The following PAWR variants were observed in gnomAD, a reference collection of about 807,000 sequenced individuals.
The protein encoded by PAWR is PRKC apoptosis WT1 regulator protein.
A neutral mutation model predicts 32.0 loss-of-function variants in PAWR; 23 were observed. The observed-to-expected ratio is 0.72, with a 90% confidence interval of 0.52 to 1.02. The LOEUF is 1.02. PAWR is among the 50% of genes least tolerant of loss of function. PAWR has a pLI of 0.00. For synonymous variants in PAWR, 226 were observed against 187.1 expected (o/e 1.21, Z -1.70); for missense variants, 457 against 437.7 (o/e 1.04, Z -0.39).
chr12:79,640,780 T>A (rs530579468), intron 2 of PAWR, among the ~76,000 whole-genome samples: 1 of 152,094 alleles, frequency 6.6e-6, no homozygotes, highest in South Asian at 2.1e-4. Flanking sequence ...AATACACATA[T>A]CCCTGGCATG....
chr12:79,605,591 A>C (rs1233169669), intron 4 of PAWR, among the ~76,000 whole-genome samples: 1 of 152,136 alleles, frequency 6.6e-6, no homozygotes, highest in Non-Finnish European at 1.5e-5. Context: ...TAGGGGTCAC[A>C]CAAAAACTTG....
intron 2 of PAWR, among the ~76,000 whole-genome samples, chr12:79,659,954 C>T (rs1051546676): frequency 6.6e-6 from 1 of 152,108 alleles, no homozygotes; most frequent in African/African-American, 2.4e-5. Flanking sequence ...ATTTACTCTT[C>T]TTAAGTAACT....
chr12:79,689,659 C>T (rs2136904728), intron 2 of PAWR, 70 bp downstream of exon 2: 1 of 1,502,814 alleles, frequency 6.7e-7, no homozygotes, highest in Non-Finnish European at 8.9e-7. Flanking sequence ...CGGGTAGCTC[C>T]CAGGAGGAAG....
chr12:79,585,037 T>G lies in PAWR; in HGVS notation c.*7570A>C. ...TAGTCTCTTGGACTTGAGAATCCAT[T>G]TGAGTTTCAGAAAGAATACTAAATT... On this transcript the variant is annotated 3_prime_UTR_variant, in exon 7 of 7. Coordinates refer to ENST00000328827, the MANE Select transcript of PAWR (RefSeq NM_002583.4). The G allele has an allele frequency of 5.8e-6, 2 of 346,212 alleles. No individual in the cohort carries two copies. Among genetic ancestry groups the G allele is most frequent in the East Asian group, 1.8e-4 (2 of 11,340 alleles). 21.4% of individuals were successfully genotyped at this position (346,212 alleles called of 1,614,324 possible).
intron 3 of PAWR, 136 bp downstream of exon 3, chr12:79,620,940 C>G: frequency 1.5e-6 from 1 of 654,264 alleles, no homozygotes; most frequent in Non-Finnish European, 2.6e-6. Context: ...ATGTCAGAAC[C>G]CACTTATGGT....
chr12:79,647,722 T>C (rs1876643189), intron 2 of PAWR, among the ~76,000 whole-genome samples: 1 of 152,192 alleles, frequency 6.6e-6, no homozygotes, highest in Non-Finnish European at 1.5e-5. Context: ...AATTTACTTC[T>C]AGCACCAGTT....
intron 2 of PAWR, among the ~76,000 whole-genome samples, chr12:79,664,558 C>T (rs1056850225): frequency 1.3e-5 from 2 of 150,916 alleles, no homozygotes; most frequent in African/African-American, 4.9e-5. Context: ...TTTGGGGCCA[C>T]ACATTGTTTT....
intron 4 of PAWR, among the ~76,000 whole-genome samples, chr12:79,609,144 C>T (rs1874326381): frequency 6.6e-6 from 1 of 152,134 alleles, no homozygotes; most frequent in Non-Finnish European, 1.5e-5. Flanking sequence ...TCATCTGTGA[C>T]ACATTATAAA....
chr12:79,690,391 G>A lies in PAWR; in HGVS notation c.-147C>T, dbSNP rs1878954391. ...CGCCGCTCCCACAGCAGCCGGCGGG[G>A]CTGAGGTGAAAGACAAAAGGGGGCG... On this transcript the variant is annotated splice_region_variant and 5_prime_UTR_variant, in exon 2 of 7. Transcript: ENST00000328827. 7 of 1,342,384 alleles carry A rather than the reference G, an allele frequency of 5.2e-6. No individual in the cohort carries two copies. The highest frequency in any genetic ancestry group is 6.7e-6 in the Non-Finnish European group (7 of 1,050,618). The allele number at this position is 1,342,384 out of a possible 1,614,324, so 83.2% of individuals were successfully genotyped here.
intron 4 of PAWR, chr12:79,597,920 T>C (rs1408693222): frequency 2.6e-5 from 4 of 152,166 alleles, no homozygotes; most frequent in Non-Finnish European, 1.5e-5. Context: ...AAGATGTTGG[T>C]TGGGGCTTCA....
chr12:79,654,015 T>C (rs186951274), intron 2 of PAWR, among the ~76,000 whole-genome samples: 1 of 152,148 alleles, frequency 6.6e-6, no homozygotes, highest in African/African-American at 2.4e-5. Flanking sequence ...GTCTGAATGA[T>C]ATAAAATCTT....
rs998031267 is a variant in PAWR at position 79,603,759 on chromosome 12, C to T, written c.684-7101G>A. 6 of 147,690 alleles carry T rather than the reference C, an allele frequency of 4.1e-5. No individual in the cohort carries two copies. In the East Asian group the frequency reaches 1.0e-3, roughly 25 times the overall value. 9.1% of individuals were successfully genotyped at this position (147,690 alleles called of 1,614,324 possible). ...ATGCCACTATTTTGGCTCACTGCAA[C>T]CTCAGCCTGCAGTCAAGTGATTCTC... On this transcript the variant is annotated intron_variant, in intron 4 of 6. Coordinates refer to ENST00000328827, the MANE Select transcript of PAWR (RefSeq NM_002583.4).
rs67044393 is a variant in PAWR at position 79,664,665 on chromosome 12, G to GC, written c.516+25063_516+25064insG. Among the ~76,000 whole-genome samples, 89 of 148,724 alleles carry GC rather than the reference G, an allele frequency of 6.0e-4. 7 individuals carry two copies. Among genetic ancestry groups the GC allele is most frequent in the African/African-American group, 2.1e-3 (84 of 39,534 alleles). On this transcript the variant is annotated intron_variant, in intron 2 of 6. Transcript: ENST00000328827. Reference sequence around the variant, plus strand: ...ACAAAGTAGACTCTTTGGCGGGGGGGGGAGGAGAGAGAGAGAGTGGTCTTG... The same window carrying GC: ...ACAAAGTAGACTCTTTGGCGGGGGGGCGGAGGAGAGAGAGAGAGTGGTCTTG...
intron 4 of PAWR, among the ~76,000 whole-genome samples, chr12:79,605,548 T>A (rs1180652102): frequency 6.6e-6 from 1 of 151,762 alleles, no homozygotes; most frequent in African/African-American, 2.4e-5. Flanking sequence ...AGCCTTCAAC[T>A]AAGCAATATG....
chr12:79,680,539 T>C (rs1367828815), intron 2 of PAWR, among the ~76,000 whole-genome samples: 1 of 152,194 alleles, frequency 6.6e-6, no homozygotes, highest in Non-Finnish European at 1.5e-5. Context: ...GACAAAGTTT[T>C]TGAGTGTTAT....
At chr12:79,681,914 A>G (rs1043565314) in intron 2 of PAWR, among the ~76,000 whole-genome samples, 4 of 152,198 alleles carry the variant, frequency 2.6e-5, no homozygotes, top group African/African-American at 9.7e-5. Flanking sequence ...TGAGATTTAC[A>G]TTCTTTTTAA....
intron 2 of PAWR, among the ~76,000 whole-genome samples, chr12:79,655,893 T>C (rs1877070677): frequency 6.6e-6 from 1 of 152,116 alleles, no homozygotes; most frequent in Admixed American, 6.5e-5. Context: ...GTAAAATATG[T>C]GAAAGAGACA....
At chr12:79,663,271 T>C (rs1877434943) in intron 2 of PAWR, among the ~76,000 whole-genome samples, 1 of 152,194 alleles carries the variant, frequency 6.6e-6, no homozygotes. Context: ...TCTCCTATCT[T>C]GTCTATGGTT....
At chr12:79,632,865 G>A (rs1334301126) in intron 2 of PAWR, among the ~76,000 whole-genome samples, 1 of 152,066 alleles carries the variant, frequency 6.6e-6, no homozygotes, top group Admixed American at 6.5e-5. Flanking sequence ...CGGACACGGT[G>A]GCTCATGGCT....
Sources: allele counts gnomAD v4.1 joint callset (sites outside exome capture counted in the v4.1 genomes callset), GRCh38; gene constraint gnomAD v4.1.1; transcripts MANE v1.5; gene names NCBI Gene and HGNC (gene_info 2026-07-23, HGNC 2026-07-21).